MACROD2: variants seen among roughly 807,000 people sequenced by gnomAD.
MACROD2 encodes the protein ADP-ribose glycohydrolase MACROD2.
A neutral mutation model predicts 70.4 loss-of-function variants in MACROD2; 36 were observed. The observed-to-expected ratio is 0.51, with a 90% confidence interval of 0.39 to 0.68. The LOEUF (loss-of-function observed/expected upper bound fraction) is 0.68, where lower values mean the gene tolerates loss of function less well. Among genes scored for constraint, MACROD2 ranks in the 30% least tolerant of loss-of-function variants. The probability of loss-of-function intolerance (pLI) is 0.00; values close to 1 mark genes in which losing one functional copy is unlikely to be tolerated. For missense variants in MACROD2, 496 were observed against 538.4 expected, an observed-to-expected ratio of 0.92 and a Z score of 0.78; for synonymous variants, 172 against 178.8, an observed-to-expected ratio of 0.96 and a Z score of 0.30.
chr20:14,978,144 A>G (rs1294810124), intron 5 of MACROD2, among the ~76,000 whole-genome samples: 5 of 152,150 alleles, frequency 3.3e-5, no homozygotes, highest in Non-Finnish European at 5.9e-5. Flanking sequence ...TGCTGCCATC[A>G]TTTTAAATAA....
chr20:14,492,494 C>G (rs1000526677), intron 3 of MACROD2, among the ~76,000 whole-genome samples: 8 of 152,230 alleles, frequency 5.3e-5, no homozygotes, highest in Admixed American at 5.2e-4. Context: ...GAATCATTAA[C>G]AATGATATTT....
At chr20:14,275,235 A>C (rs981735256) in intron 3 of MACROD2, among the ~76,000 whole-genome samples, 4 of 152,198 alleles carry the variant, frequency 2.6e-5, no homozygotes, top group African/African-American at 9.7e-5. Flanking sequence ...AAACTATACT[A>C]CAAGGCTACA....
intron 5 of MACROD2, among the ~76,000 whole-genome samples, chr20:14,803,877 C>G (rs913685035): frequency 2.0e-4 from 31 of 152,010 alleles, no homozygotes; most frequent in Non-Finnish European, 5.9e-5. Flanking sequence ...ACTAAATTAG[C>G]TTCAGTATTA....
At chr20:15,713,987 G>GCGCACACACA (rs1555868663) in intron 8 of MACROD2, among the ~76,000 whole-genome samples, 1 of 117,698 alleles carries the variant, frequency 8.5e-6, no homozygotes, top group East Asian at 2.5e-4. Flanking sequence ...ACACACATAT[G>GCGCACACACA]CACACACACA....
At chr20:15,163,383 A>G (rs2076361681) in intron 5 of MACROD2, among the ~76,000 whole-genome samples, 1 of 152,056 alleles carries the variant, frequency 6.6e-6, no homozygotes, top group South Asian at 2.1e-4. Context: ...TAGACAATCA[A>G]AGATTGATAT....
chr20:15,400,894 C>T (rs1054373643), intron 6 of MACROD2, among the ~76,000 whole-genome samples: 1 of 152,140 alleles, frequency 6.6e-6, no homozygotes, highest in African/African-American at 2.4e-5. Flanking sequence ...TCATTTGTGC[C>T]CCATGAGGGA....
intron 3 of MACROD2, among the ~76,000 whole-genome samples, chr20:14,242,679 G>A (rs1289585271): frequency 6.6e-6 from 1 of 152,040 alleles, no homozygotes. Context: ...CCAGAAAACA[G>A]GCATCTGTTT....
At chr20:14,070,354 C>T (rs1394460334) in intron 2 of MACROD2, among the ~76,000 whole-genome samples, 1 of 151,314 alleles carries the variant, frequency 6.6e-6, no homozygotes, top group Non-Finnish European at 1.5e-5. Flanking sequence ...TAATCTAGAA[C>T]AATGATCAGA....
At chr20:14,822,541 T>C (rs1490274872) in intron 5 of MACROD2, among the ~76,000 whole-genome samples, 1 of 152,126 alleles carries the variant, frequency 6.6e-6, no homozygotes, top group African/African-American at 2.4e-5. Flanking sequence ...TCTGAGTTTC[T>C]ATTTTCAATA....
At chr20:15,572,149 C>A (rs529779368) in intron 8 of MACROD2, among the ~76,000 whole-genome samples, 7 of 152,138 alleles carry the variant, frequency 4.6e-5, no homozygotes, top group African/African-American at 1.4e-4. Context: ...TTTCACTGTA[C>A]AAATATGATT....
At chr20:15,308,975 C>T (rs976697619) in intron 6 of MACROD2, among the ~76,000 whole-genome samples, 4 of 152,116 alleles carry the variant, frequency 2.6e-5, no homozygotes, top group African/African-American at 9.7e-5. Context: ...CAGCTTTTCA[C>T]CTCCCCCTTT....
At chr20:14,853,604 A>G (rs2073222819) in intron 5 of MACROD2, among the ~76,000 whole-genome samples, 1 of 152,142 alleles carries the variant, frequency 6.6e-6, no homozygotes, top group African/African-American at 2.4e-5. Flanking sequence ...TTTCGGTTTC[A>G]GTTTTCCAGC....
rs1395549794 is a variant in MACROD2, at chr20:15,278,609, T to C, written c.540+48548T>C. Among the ~76,000 whole-genome samples the C allele has an allele frequency of 3.3e-5, 5 of 152,312 alleles. No individual in the cohort carries two copies. The East Asian group carries it at 9.6e-4, about 29-fold the overall frequency. On this transcript the variant is annotated intron_variant, in intron 6 of 17. Transcript: ENST00000684519. ...AACAGGTAGCAATGGAGATCCATTA[T>C]CTCACCTACTACCTCCCTGATAATC...
intron 5 of MACROD2, among the ~76,000 whole-genome samples, chr20:14,796,527 A>T (rs1052408987): frequency 6.6e-6 from 1 of 152,082 alleles, no homozygotes; most frequent in Admixed American, 6.6e-5. Flanking sequence ...ATGTCTGTGG[A>T]TGTTATTGAA....
chr20:14,255,094 T>C (rs1455652148), intron 3 of MACROD2, among the ~76,000 whole-genome samples: 1 of 152,158 alleles, frequency 6.6e-6, no homozygotes, highest in East Asian at 1.9e-4. Context: ...GTAGAGTTTC[T>C]GCTGAGAGAT....
At chr20:15,121,262 A>G (rs2076027959) in intron 5 of MACROD2, among the ~76,000 whole-genome samples, 1 of 152,176 alleles carries the variant, frequency 6.6e-6, no homozygotes, top group East Asian at 1.9e-4. Context: ...CTGTAATCCC[A>G]GCACTTTGGG....
chr20:14,776,689 C>T (rs1413222390), intron 5 of MACROD2, among the ~76,000 whole-genome samples: 1 of 151,978 alleles, frequency 6.6e-6, no homozygotes, highest in African/African-American at 2.4e-5. Flanking sequence ...TAATATTTCA[C>T]TATTTTAAAA....
intron 2 of MACROD2, among the ~76,000 whole-genome samples, chr20:14,069,681 A>G (rs1006009458): frequency 1.0e-4 from 15 of 145,684 alleles, no homozygotes; most frequent in Admixed American, 2.8e-4. Flanking sequence ...ATTGGGATCT[A>G]GTATGCAGAA....
intron 7 of MACROD2, among the ~76,000 whole-genome samples, chr20:15,435,056 G>A (rs1417429220): frequency 1.3e-5 from 2 of 152,060 alleles, no homozygotes; most frequent in Admixed American, 1.3e-4. Context: ...ATGTAAAACT[G>A]TCTGTTGGAT....
Sources: gnomAD v4.1 joint callset for allele counts (sites outside exome capture counted in the v4.1 genomes callset) on GRCh38, gnomAD v4.1.1 for gene constraint, MANE v1.5 for transcripts, NCBI Gene and HGNC (gene_info 2026-07-23, HGNC 2026-07-21) for gene names.